Variants in NR2F1-AS1 observed in about 807,000 individuals in gnomAD.
NR2F1-AS1 encodes NR2F1 regulatory antisense RNA 1, also known as NR2F1 antisense RNA 1.
At chr5:93,483,229 G>A (rs1404869895) in intron 4 of NR2F1-AS1, among the ~76,000 whole-genome samples, 1 of 152,128 alleles carries the variant, frequency 6.6e-6, no homozygotes, top group Non-Finnish European at 1.5e-5. Context: ...AAGCCCCTCT[G>A]GGACAAAGCT....
intron 4 of NR2F1-AS1, among the ~76,000 whole-genome samples, chr5:93,546,997 T>G (rs1373828811): frequency 6.6e-6 from 1 of 152,194 alleles, no homozygotes; most frequent in Admixed American, 6.5e-5. Flanking sequence ...GGGTCCTGGA[T>G]GAGAAGAAAT....
intron 4 of NR2F1-AS1, chr5:93,422,225 A>T (rs751519201): frequency 6.6e-6 from 1 of 152,086 alleles, no homozygotes; most frequent in Non-Finnish European, 1.5e-5. Flanking sequence ...ACGACCCCCT[A>T]TTTTTCCCAT....
At chr5:93,467,772 A>C (rs375108067) in intron 4 of NR2F1-AS1, among the ~76,000 whole-genome samples, 26 of 152,136 alleles carry the variant, frequency 1.7e-4, no homozygotes, top group African/African-American at 5.8e-4. Flanking sequence ...GGTTTGCTGC[A>C]CCCATTAACT....
chr5:93,551,659 A>C (rs922327380), intron 4 of NR2F1-AS1, among the ~76,000 whole-genome samples: 2 of 152,060 alleles, frequency 1.3e-5, no homozygotes, highest in African/African-American at 4.8e-5. Context: ...ACTCTTCATA[A>C]TTTTCAAGCA....
chr5:93,459,228 T>A (rs1434561704), intron 4 of NR2F1-AS1, among the ~76,000 whole-genome samples: 1 of 151,966 alleles, frequency 6.6e-6, no homozygotes, highest in Non-Finnish European at 1.5e-5. Flanking sequence ...GATAATTCAA[T>A]ATTTGAAATA....
At chr5:93,530,324 C>T (rs999180277) in intron 4 of NR2F1-AS1, among the ~76,000 whole-genome samples, 2 of 152,046 alleles carry the variant, frequency 1.3e-5, no homozygotes, top group East Asian at 1.9e-4. Flanking sequence ...CCTCGTGATC[C>T]GCCTGCCTTG....
chr5:93,484,039 C>T (rs1470500448), intron 4 of NR2F1-AS1, among the ~76,000 whole-genome samples: 2 of 152,152 alleles, frequency 1.3e-5, no homozygotes, highest in Non-Finnish European at 2.9e-5. Flanking sequence ...AGGATATTAT[C>T]CATGAGAACT....
intron 2 of NR2F1-AS1, among the ~76,000 whole-genome samples, chr5:93,559,896 T>C (rs532242498): frequency 2.0e-5 from 3 of 152,352 alleles, no homozygotes; most frequent in African/African-American, 7.2e-5. Context: ...GTGTGAGATT[T>C]ACAAATTATG....
At chr5:93,467,208 C>T in intron 4 of NR2F1-AS1, among the ~76,000 whole-genome samples, 1 of 152,034 alleles carries the variant, frequency 6.6e-6, no homozygotes, top group East Asian at 1.9e-4. Context: ...CCATATTGCC[C>T]AAAGTAATTT....
At chr5:93,506,440 G>A (rs1751187434) in intron 4 of NR2F1-AS1, among the ~76,000 whole-genome samples, 1 of 151,998 alleles carries the variant, frequency 6.6e-6, no homozygotes, top group African/African-American at 2.4e-5. Context: ...CACTCTACTG[G>A]TACAAATTGA....
chr5:93,463,359 T>C (rs1434746654), intron 4 of NR2F1-AS1, among the ~76,000 whole-genome samples: 2 of 152,206 alleles, frequency 1.3e-5, no homozygotes, highest in African/African-American at 4.8e-5. Context: ...CACCTAGATT[T>C]CAGAGGATGT....
intron 4 of NR2F1-AS1, among the ~76,000 whole-genome samples, chr5:93,478,962 T>C (rs1190973191): frequency 6.6e-6 from 1 of 152,146 alleles, no homozygotes; most frequent in Non-Finnish European, 1.5e-5. Flanking sequence ...TAGAGTAGGA[T>C]CAATCCCTTT....
chr5:93,530,883 T>A (rs1004605475), intron 4 of NR2F1-AS1, among the ~76,000 whole-genome samples: 1 of 151,722 alleles, frequency 6.6e-6, no homozygotes, highest in African/African-American at 2.4e-5. Context: ...AGGTTACTTT[T>A]CTTAAGTTTA....
chr5:93,570,491 C>T (rs930338596), intron 1 of NR2F1-AS1: 4 of 152,278 alleles, frequency 2.6e-5, no homozygotes, highest in Non-Finnish European at 4.4e-5. Context: ...GGCGGGGACC[C>T]ACTCACACTC....
chr5:93,562,812 A>C (rs1047445826), intron 2 of NR2F1-AS1, among the ~76,000 whole-genome samples: 2 of 152,226 alleles, frequency 1.3e-5, no homozygotes, highest in African/African-American at 2.4e-5. Flanking sequence ...ACATGCCTTA[A>C]GCATGATAAA....
chr5:93,419,975 T>A (rs1749054714), intron 4 of NR2F1-AS1, among the ~76,000 whole-genome samples: 1 of 152,066 alleles, frequency 6.6e-6, no homozygotes, highest in South Asian at 2.1e-4. Flanking sequence ...GGTGGGTGGA[T>A]CACTTGAGGT....
rs570382231 is a variant in NR2F1-AS1, at chr5:93,451,412, T to C, written n.639-55870A>G. Reference sequence around the variant, plus strand: ...CATTTCTTGATTATGACTTTAACATTTATTTCTTGAGACAGGGTCTTCCTC... The same window carrying C: ...CATTTCTTGATTATGACTTTAACATCTATTTCTTGAGACAGGGTCTTCCTC... On this transcript the variant is annotated intron_variant and non_coding_transcript_variant, in intron 4 of 5. Coordinates refer to ENST00000660523, the Ensembl canonical transcript of NR2F1-AS1. 5.9e-5 allele frequency among the ~76,000 whole-genome samples: 9 copies of C among 152,116 alleles called. No individual in the cohort carries two copies. In the South Asian group the frequency reaches 1.9e-3, roughly 32 times the overall value.
chr5:93,495,629 G>A (rs74646423), intron 4 of NR2F1-AS1, among the ~76,000 whole-genome samples: 15,514 of 149,904 alleles, frequency 0.1, 867 homozygotes, highest in Middle Eastern at 0.16. Context: ...ACTCTATTTG[G>A]AAAAAAAAAT....
At chr5:93,528,093 T>C (rs1484132050) in intron 4 of NR2F1-AS1, among the ~76,000 whole-genome samples, 1 of 152,048 alleles carries the variant, frequency 6.6e-6, no homozygotes, top group Non-Finnish European at 1.5e-5. Flanking sequence ...TTGCAATCTA[T>C]CTTTGCATCT....
Sources: gnomAD v4.1 joint callset for allele counts (sites outside exome capture counted in the v4.1 genomes callset) on GRCh38, gnomAD v4.1.1 for gene constraint, MANE v1.5 for transcripts, NCBI Gene and HGNC (gene_info 2026-07-23, HGNC 2026-07-21) for gene names.